NPHP1: variants seen among roughly 807,000 people sequenced by gnomAD.
NPHP1 encodes the protein nephrocystin-1.
NPHP1 carries 70 observed loss-of-function variants against 90.4 expected under a neutral mutation model. The ratio of observed to expected loss-of-function variants is 0.77; its 90% confidence interval spans 0.64 to 0.95. The LOEUF (loss-of-function observed/expected upper bound fraction) is 0.95. Ranked by LOEUF, NPHP1 falls within the 40% of genes least tolerant of loss-of-function variation. NPHP1 has a pLI of 0.00. For synonymous variants in NPHP1, 256 were observed against 271.7 expected (o/e 0.94, Z 0.57); for missense variants, 764 against 795.9 (o/e 0.96, Z 0.48).
chr2:110,160,309 T>A, intron 10 of NPHP1, 54 bp from the exon 11 acceptor site: 2 of 1,433,258 alleles, frequency 1.4e-6, no homozygotes, highest in Middle Eastern at 3.5e-4. Context: ...CTAACACAAA[T>A]CTGTCTTTTG....
At position 110,160,165 on chromosome 2, in the gene NPHP1, T is replaced by G; in HGVS notation, c.1045A>C (p.Ser349Arg). ...AATAGACAGAGGCGTACATGTCTGC[T>G]GAGAACCTGTATGCTCATTCCTGGA... ...PLPGMSIQVL[S>R]RHVRLCLFDG... Residue 349 changes from serine to arginine, a missense_variant, in exon 11 of 20, where the codon AGC becomes CGC. Coordinates refer to ENST00000445609, the MANE Select transcript of NPHP1 (RefSeq NM_001128178.3). 6.2e-7 allele frequency: 1 copy of G among 1,612,996 alleles called. No individual in the cohort carries two copies. Among genetic ancestry groups the G allele is most frequent in the South Asian group, 1.1e-5 (1 of 91,052 alleles).
intron 1 of NPHP1, 139 bp downstream of exon 1, chr2:110,204,761 G>C (rs1685820435): frequency 1.2e-6 from 1 of 805,946 alleles, no homozygotes; most frequent in East Asian, 2.6e-5. Context: ...ATGGGGTAAG[G>C]GGGCGTTACA....
Position 110,161,590 on chromosome 2 carries a change from T to C in NPHP1, c.954+13A>G. On this transcript the variant is annotated intron_variant, in intron 10 of 19. Coordinates refer to ENST00000445609, the MANE Select transcript of NPHP1 (RefSeq NM_001128178.3). The stretch of plus-strand genomic sequence containing the variant: ...GGAAGAGTTACACTTTTACTGATAG[T>C]AACTATACTTACAGTGCCTTCTGTA... 6.5e-7 allele frequency: 1 copy of C among 1,541,606 alleles called. No individual in the cohort carries two copies. Among genetic ancestry groups the C allele is most frequent in the Non-Finnish European group, 9.0e-7 (1 of 1,115,078 alleles).
intron 11 of NPHP1, among the ~76,000 whole-genome samples, chr2:110,158,482 G>A (rs2175119): frequency 0.97 from 148,250 of 152,132 alleles, 72,340 homozygotes; most frequent in Middle Eastern, 1. Flanking sequence ...TATTTCTTGT[G>A]TGTTAAATTT....
At chr2:110,179,426 C>A (rs556863480) in intron 3 of NPHP1, among the ~76,000 whole-genome samples, 198 bp downstream of exon 3, 1 of 152,124 alleles carries the variant, frequency 6.6e-6, no homozygotes, top group Non-Finnish European at 1.5e-5. Context: ...GAACATTTTT[C>A]GGTAGTTGGA....
chr2:110,158,989 G>C (rs1249405105), intron 11 of NPHP1, among the ~76,000 whole-genome samples: 24 of 151,644 alleles, frequency 1.6e-4, no homozygotes, highest in Admixed American at 1.6e-3. Context: ...ATCATAAATG[G>C]GTGTTGAAAT....
Position 110,169,108 on chromosome 2 carries a change from C to T in NPHP1, c.523-555G>A, listed in dbSNP as rs1402500200. On this transcript the variant is annotated intron_variant, in intron 5 of 19. Transcript: ENST00000445609. Reference sequence around the variant, plus strand: ...ACAAAAGCATTTCCACCACTAAGGACACTACAAAAGCAAACACTTAATTAA... The same window carrying T: ...ACAAAAGCATTTCCACCACTAAGGATACTACAAAAGCAAACACTTAATTAA... 2.6e-5 allele frequency among the ~76,000 whole-genome samples: 4 copies of T among 151,646 alleles called. No individual in the cohort carries two copies. The South Asian group carries it at 8.3e-4, about 32-fold the overall frequency.
chr2:110,185,140 G>A (rs1684197226), intron 2 of NPHP1: 3 of 575,474 alleles, frequency 5.2e-6, no homozygotes, highest in South Asian at 1.4e-5. Context: ...GAAGGAATAT[G>A]AGGAAGACGG....
At chr2:110,190,201 G>A (rs528116109) in intron 2 of NPHP1, among the ~76,000 whole-genome samples, 68 of 152,338 alleles carry the variant, frequency 4.5e-4, no homozygotes, top group African/African-American at 1.6e-3. Context: ...GCTGCAGGTG[G>A]AGCTGCCTGC....
At chr2:110,187,820 G>C (rs1684403507) in intron 2 of NPHP1, among the ~76,000 whole-genome samples, 2 of 152,062 alleles carry the variant, frequency 1.3e-5, no homozygotes, top group Non-Finnish European at 2.9e-5. Context: ...TATCTACCAT[G>C]ATCAAGTTGG....
At chr2:110,138,048 C>G (rs184619134) in intron 16 of NPHP1, among the ~76,000 whole-genome samples, 1 of 151,816 alleles carries the variant, frequency 6.6e-6, no homozygotes. Context: ...AGCTGGAAAC[C>G]ATCATTCTCA....
At chr2:110,127,154 C>T (rs1475937569) in intron 18 of NPHP1, 1 of 152,246 alleles carries the variant, frequency 6.6e-6, no homozygotes, top group African/African-American at 2.4e-5. Context: ...AAGAACAATT[C>T]TCCATTCTCC....
chr2:110,159,688 T>C (rs1017571861), intron 11 of NPHP1, among the ~76,000 whole-genome samples: 1 of 152,036 alleles, frequency 6.6e-6, no homozygotes. Context: ...GTCTTAATAG[T>C]CTCACTATGC....
chr2:110,152,643 T>C (rs1387967599), intron 11 of NPHP1, among the ~76,000 whole-genome samples: 1 of 135,064 alleles, frequency 7.4e-6, no homozygotes, highest in African/African-American at 2.8e-5. Context: ...TCATAAAAAG[T>C]AGTGAGCCTA....
At chr2:110,151,658 C>T (rs960490368) in intron 11 of NPHP1, among the ~76,000 whole-genome samples, 2 of 152,054 alleles carry the variant, frequency 1.3e-5, no homozygotes, top group African/African-American at 4.8e-5. Flanking sequence ...CAAAATCCCA[C>T]TTCCTTCGAT....
intron 16 of NPHP1, among the ~76,000 whole-genome samples, chr2:110,140,230 C>T (rs1390674947): frequency 6.6e-6 from 1 of 152,148 alleles, no homozygotes; most frequent in South Asian, 2.1e-4. Flanking sequence ...TGGAAGAGCA[C>T]ACACCAAGAC....
intron 11 of NPHP1, among the ~76,000 whole-genome samples, chr2:110,159,400 C>T (rs1032275866): frequency 2.6e-5 from 4 of 151,904 alleles, no homozygotes; most frequent in Non-Finnish European, 4.4e-5. Context: ...GGTGAAGCCA[C>T]CTAGGCCTGA....
chr2:110,129,300 A>G (rs575732055), intron 17 of NPHP1, 41 bp from the exon 18 acceptor site: 1 of 1,445,210 alleles, frequency 6.9e-7, no homozygotes, highest in Non-Finnish European at 9.7e-7. Context: ...TGCAAACTTC[A>G]CTCAATGGAT....
At position 110,131,713 on chromosome 2, in the gene NPHP1, C is replaced by T; in HGVS notation, c.1608G>A (p.Val536=). 2 of 1,613,136 alleles carry T rather than the reference C, an allele frequency of 1.2e-6. No homozygotes were observed. The highest frequency in any genetic ancestry group is 1.7e-6 in the Non-Finnish European group (2 of 1,179,192). ...LIFYRQILGD[V]LLKDRMSLQS... ...GCAAGCTCATCCTGTCTTTCAGGAG[C>T]ACATCTCCAAGAATTTGTCGATAAA... The change falls in exon 17 of 20, where the codon GTG becomes GTA. Residue 536 remains valine, a synonymous_variant. Transcript: ENST00000445609.
Sources: allele counts gnomAD v4.1 joint callset (sites outside exome capture counted in the v4.1 genomes callset), GRCh38; gene constraint gnomAD v4.1.1; transcripts MANE v1.5; gene names NCBI Gene and HGNC (gene_info 2026-07-23, HGNC 2026-07-21).